Variants in NAA35 observed in about 807,000 individuals in gnomAD.
NAA35 encodes the protein MAK10 homolog, amino-acid N-acetyltransferase subunit.
A neutral mutation model predicts 101.7 loss-of-function variants in NAA35; 18 were observed. The ratio of observed to expected loss-of-function variants is 0.18; its 90% CI spans 0.12 to 0.26. The LOEUF is 0.26. Ranked by LOEUF, NAA35 falls within the 10% of genes least tolerant of loss-of-function variation. The probability of loss-of-function intolerance (pLI) is 1.00; values close to 1 mark genes in which losing one functional copy is unlikely to be tolerated. For missense variants in NAA35, 601 were observed against 886.8 expected (o/e 0.68, Z 4.09); for synonymous variants, 267 against 273.1 (o/e 0.98, Z 0.22).
chr9:86,019,431 A>C (rs2118509700), intron 21 of NAA35, among the ~76,000 whole-genome samples: 1 of 152,336 alleles, frequency 6.6e-6, no homozygotes, highest in African/African-American at 2.4e-5. Context: ...ATTGCACTCC[A>C]GCCTGGGTGA....
chr9:85,993,923 C>T (rs1054385495), intron 11 of NAA35, among the ~76,000 whole-genome samples: 18 of 152,110 alleles, frequency 1.2e-4, no homozygotes, highest in Non-Finnish European at 2.1e-4. Context: ...GTCCTCCCAT[C>T]TCAGCCTCCC....
intron 8 of NAA35, among the ~76,000 whole-genome samples, 168 bp from the exon 9 acceptor site, chr9:85,976,517 T>G (rs1030642253): frequency 6.6e-6 from 1 of 152,180 alleles, no homozygotes; most frequent in African/African-American, 2.4e-5. Context: ...TTTCTGTGTA[T>G]AGGATTAATA....
At chr9:85,999,985 T>A (rs1283348274) in intron 12 of NAA35, among the ~76,000 whole-genome samples, 2 of 152,094 alleles carry the variant, frequency 1.3e-5, no homozygotes, top group South Asian at 2.1e-4. Context: ...TTTAAAAAAA[T>A]TTTACATTTG....
intron 6 of NAA35, among the ~76,000 whole-genome samples, chr9:85,968,039 T>A (rs1829839258): frequency 6.6e-6 from 1 of 152,154 alleles, no homozygotes; most frequent in African/African-American, 2.4e-5. Flanking sequence ...ACCTCTTTCT[T>A]CTTACCCCTT....
At position 85,961,447 on chromosome 9, in the gene NAA35, C is replaced by A. The variant is rs117199439; in HGVS notation, c.349-566C>A. Among the ~76,000 whole-genome samples the A allele has an allele frequency of 6.1e-3, 924 of 152,236 alleles. 6 individuals carry two copies. Among genetic ancestry groups the A allele is most frequent in the Non-Finnish European group, 7.9e-3 (536 of 68,024 alleles). ...AGACACAGTACTTACCCAATTTTGC[C>A]TATTGTTGGTATTCCCAACCTCTAG... On this transcript the variant is annotated intron_variant, in intron 5 of 22. Transcript: ENST00000361671.
chr9:86,018,205 A>T lies in NAA35; in HGVS notation c.1774-50A>T, dbSNP rs116229947. 4,527 of 1,552,168 alleles carry T rather than the reference A, an allele frequency of 2.9e-3. 92 individuals carry two copies. The African/African-American group carries it at 0.048, about 16-fold the overall frequency. ...TTCCATTCTGTATTGATGAGTGTTC[A>T]CTTTTTTCATATTGATTTCATCTTT... On this transcript the variant is annotated intron_variant, in intron 19 of 22. Transcript: ENST00000361671.
chr9:85,981,685 G>A (rs570409181), intron 11 of NAA35, among the ~76,000 whole-genome samples: 1 of 152,144 alleles, frequency 6.6e-6, no homozygotes, highest in Non-Finnish European at 1.5e-5. Context: ...CTAAGCAAGT[G>A]AAATTTTAAA....
intron 15 of NAA35, among the ~76,000 whole-genome samples, chr9:86,010,983 C>T (rs967038185): frequency 6.6e-6 from 1 of 151,566 alleles, no homozygotes; most frequent in Non-Finnish European, 1.5e-5. Context: ...TGGCTCACGC[C>T]TGTAATCCCA....
In NAA35 at chr9:86,022,751, T is replaced by A. The variant is rs947062573; in HGVS notation, c.*791T>A. Among the ~76,000 whole-genome samples the A allele has an allele frequency of 1.3e-5, 2 of 152,190 alleles. No individual in the cohort carries two copies. The highest frequency in any genetic ancestry group is 4.8e-5 in the African/African-American group (2 of 41,454). ...GGGTGTCTGTTCAGTATCCTCTGGCTTTGAAAAACTGACTACATCCCCCTG... is the reference window on the plus strand; with the variant it reads ...GGGTGTCTGTTCAGTATCCTCTGGCATTGAAAAACTGACTACATCCCCCTG... On this transcript the variant is annotated 3_prime_UTR_variant, in exon 23 of 23. Coordinates refer to ENST00000361671, the MANE Select transcript of NAA35 (RefSeq NM_024635.4).
chr9:85,985,493 C>G (rs974230771), intron 11 of NAA35, among the ~76,000 whole-genome samples: 1 of 152,116 alleles, frequency 6.6e-6, no homozygotes, highest in African/African-American at 2.4e-5. Context: ...TCAGAAAAGA[C>G]CATGTATTGT....
chr9:85,942,689 T>A (rs374496967), intron 2 of NAA35, among the ~76,000 whole-genome samples: 36 of 152,210 alleles, frequency 2.4e-4, no homozygotes, highest in African/African-American at 8.0e-4. Context: ...TCCTTCCCTA[T>A]GGGTCTATAA....
intron 6 of NAA35, among the ~76,000 whole-genome samples, chr9:85,973,650 C>G (rs1830089577): frequency 6.6e-6 from 1 of 151,958 alleles, no homozygotes; most frequent in African/African-American, 2.4e-5. Context: ...GCGTCAAGCT[C>G]CTTTTTGGAG....
intron 2 of NAA35, among the ~76,000 whole-genome samples, chr9:85,944,845 G>C (rs543442013): frequency 3.3e-5 from 5 of 152,244 alleles, no homozygotes; most frequent in Admixed American, 1.3e-4. Context: ...TTTTTATCCT[G>C]TGTCTTTGAA....
intron 6 of NAA35, among the ~76,000 whole-genome samples, chr9:85,964,274 G>A (rs541385369): frequency 1.3e-5 from 2 of 152,002 alleles, no homozygotes; most frequent in Admixed American, 6.5e-5. Flanking sequence ...TCACTTATGC[G>A]CGTGCTCCTG....
chr9:85,941,315 G>T (rs1828501396), intron 1 of NAA35, 42 bp downstream of exon 1: 2 of 985,544 alleles, frequency 2.0e-6, no homozygotes, highest in South Asian at 4.7e-5. Context: ...CCTCTCGCTC[G>T]TGTGTCCGAG....
At chr9:85,956,301 C>T in intron 2 of NAA35, 59 bp from the exon 3 acceptor site, 2 of 1,044,934 alleles carry the variant, frequency 1.9e-6, no homozygotes, top group African/African-American at 1.7e-5. Context: ...TCTTTTTTTT[C>T]TTAGAATTAA....
Position 85,942,294 on chromosome 9 carries a change from T to G in NAA35, c.124+11T>G. 1 of 1,612,438 alleles carries G rather than the reference T, an allele frequency of 6.2e-7. No individual in the cohort carries two copies. The highest frequency in any genetic ancestry group is 8.5e-7 in the Non-Finnish European group (1 of 1,179,406). On this transcript the variant is annotated intron_variant, in intron 2 of 22. Coordinates refer to ENST00000361671, the MANE Select transcript of NAA35 (RefSeq NM_024635.4). ...AAGAAGCTTGTCGAGGTGAGTCTGATTTTTGGATTAGAAGTTCAGCATCTG... is the reference window on the plus strand; with the variant it reads ...AAGAAGCTTGTCGAGGTGAGTCTGAGTTTTGGATTAGAAGTTCAGCATCTG...
chr9:86,017,534 C>T lies in NAA35; in HGVS notation c.1742C>T (p.Ala581Val). Residue 581 changes from alanine (A) to valine (V), a missense_variant, in exon 19 of 23, where the codon GCA becomes GTA. Physicochemically the swap from Ala to Val is moderately conservative, Grantham distance 64. Coordinates refer to ENST00000361671, the MANE Select transcript of NAA35 (RefSeq NM_024635.4). ...AGCCGAGAGATCACAATGAGCCAAG[C>T]ATATCAGAACATGTGTGCTGGAATG... ...PLSREITMSQ[A>V]YQNMCAGMFK... is the part of the protein sequence containing the mutation. 6.2e-7 allele frequency: 1 copy of T among 1,613,754 alleles called. No individual in the cohort carries two copies. The highest frequency in any genetic ancestry group is 8.5e-7 in the Non-Finnish European group (1 of 1,179,808).
intron 11 of NAA35, among the ~76,000 whole-genome samples, chr9:85,990,379 C>T (rs903428986): frequency 1.3e-5 from 2 of 151,928 alleles, no homozygotes; most frequent in African/African-American, 2.4e-5. Context: ...TTGGTGGGGA[C>T]GAAAACACAT....
Sources: gnomAD v4.1 joint callset for allele counts (sites outside exome capture counted in the v4.1 genomes callset) on GRCh38, gnomAD v4.1.1 for gene constraint, MANE v1.5 for transcripts, NCBI Gene and HGNC (gene_info 2026-07-23, HGNC 2026-07-21) for gene names.